LMO3: variants seen among roughly 807,000 people sequenced by gnomAD.
The protein encoded by LMO3 is LIM domain only 3.
A neutral mutation model predicts 15.8 loss-of-function variants in LMO3; 2 were observed. The ratio of observed to expected loss-of-function variants is 0.13; its 90% CI spans 0.05 to 0.40. The LOEUF is 0.40. LMO3 is among the 10% of genes least tolerant of loss of function. The pLI, the probability that LMO3 is intolerant of heterozygous loss-of-function variation, is 0.99. For missense variants in LMO3, 86 were observed against 182.2 expected, an observed-to-expected ratio of 0.47 and a Z score of 3.04; for synonymous variants, 62 against 63.8, an observed-to-expected ratio of 0.97 and a Z score of 0.13.
intron 2 of LMO3, among the ~76,000 whole-genome samples, chr12:16,594,959 T>C (rs1477872890): frequency 6.6e-6 from 1 of 151,482 alleles, no homozygotes; most frequent in African/African-American, 2.4e-5. Context: ...AAAATAGAAA[T>C]TATTTCCCAG....
At position 16,582,574 on chromosome 12, in the gene LMO3, C is replaced by T. The variant is rs1375680864; in HGVS notation, c.206+18081G>A. 2.0e-5 allele frequency among the ~76,000 whole-genome samples: 3 copies of T among 152,074 alleles called. No individual in the cohort carries two copies. The highest frequency in any genetic ancestry group is 1.3e-4 in the Admixed American group (2 of 15,262). On this transcript the variant is annotated intron_variant, in intron 2 of 3. Coordinates refer to ENST00000537304, the MANE Select transcript of LMO3 (RefSeq NM_018640.5). This position sits in a 1 kb window ranked among gnomAD's most constrained non-coding sequence, Gnocchi z 4.1. ...AGTGGCTAGATATACATTGCTTAAG[C>T]TTGTTGGAGAGTAATGGGCTACGGG...
chr12:16,592,208 G>A (rs1943516520), intron 2 of LMO3, among the ~76,000 whole-genome samples: 1 of 151,946 alleles, frequency 6.6e-6, no homozygotes, highest in African/African-American at 2.4e-5. Context: ...GTGACTAAAT[G>A]GTTTCATTGT....
chr12:16,549,285 G>T lies in LMO3; in HGVS notation c.*1937C>A, dbSNP rs1048702314. On this transcript the variant is annotated 3_prime_UTR_variant, in exon 4 of 4. Transcript: ENST00000537304. ...GCTAAAATAATAGTTATTTTTGTGG[G>T]CCCCAAATAGCTACTTTTGAATTTC... The T allele has an allele frequency of 1.3e-5, 2 of 152,032 alleles. No homozygotes were observed. The highest frequency in any genetic ancestry group is 2.9e-5 in the Non-Finnish European group (2 of 67,986). 9.4% of individuals were successfully genotyped at this position (152,032 alleles called of 1,614,324 possible). A position where few individuals can be genotyped will look rare whatever the true frequency, so the allele number is the denominator to read the frequency against.
rs1942381744 is a variant in LMO3 at position 16,560,935 on chromosome 12, A to G, written c.207-397T>C. The stretch of plus-strand genomic sequence containing the variant: ...TGGGAAAGGAACCAACTAATGAATG[A>G]TTCACTACTTTTTGACATTTAGTTA... On this transcript the variant is annotated intron_variant, in intron 2 of 3. Transcript: ENST00000537304. The surrounding 1 kb of genome is among the most constrained non-coding windows in gnomAD (Gnocchi z 5.0). The G allele has an allele frequency of 5.3e-6, 1 of 187,282 alleles. No individual in the cohort carries two copies. Among genetic ancestry groups the G allele is most frequent in the Non-Finnish European group, 1.1e-5 (1 of 87,634 alleles). The allele number at this position is 187,282 out of a possible 1,614,324, so 11.6% of individuals were successfully genotyped here.
chr12:16,589,290 T>C lies in LMO3; in HGVS notation c.206+11365A>G, dbSNP rs1021489903. Among the ~76,000 whole-genome samples, 2 of 152,074 alleles carry C rather than the reference T, an allele frequency of 1.3e-5. No individual in the cohort carries two copies. The highest frequency in any genetic ancestry group is 4.8e-5 in the African/African-American group (2 of 41,446). On this transcript the variant is annotated intron_variant, in intron 2 of 3. Coordinates refer to ENST00000537304, the MANE Select transcript of LMO3 (RefSeq NM_018640.5). The surrounding 1 kb of genome is among the most constrained non-coding windows in gnomAD (Gnocchi z 4.2). ...ATAAGTTATCTGCCACTGATGATCA[T>C]TGATGGAGAAGGGGCAATACCTAAT...
At chr12:16,569,951 T>C (rs2137428191) in intron 2 of LMO3, among the ~76,000 whole-genome samples, 1 of 152,270 alleles carries the variant, frequency 6.6e-6, no homozygotes. Context: ...GGTAAGTTTA[T>C]AATGAAGGAA....
intron 2 of LMO3, among the ~76,000 whole-genome samples, chr12:16,561,252 C>T (rs1330239232): frequency 3.9e-5 from 6 of 152,024 alleles, no homozygotes; most frequent in African/African-American, 1.4e-4. Context: ...AAAAGAAGTA[C>T]AAAATAAAAT....
intron 2 of LMO3, among the ~76,000 whole-genome samples, chr12:16,572,077 G>A (rs962884879): frequency 6.6e-6 from 1 of 151,894 alleles, no homozygotes; most frequent in Non-Finnish European, 1.5e-5. Context: ...CAAAAGGAAA[G>A]AGATTCAAAA....
chr12:16,591,963 A>G lies in LMO3; in HGVS notation c.206+8692T>C, dbSNP rs578000860. 8.5e-5 allele frequency among the ~76,000 whole-genome samples: 13 copies of G among 152,164 alleles called. No homozygotes were observed. In the East Asian group the frequency reaches 2.5e-3, roughly 29 times the overall value. The stretch of plus-strand genomic sequence containing the variant: ...ACTTAATTGGAGTGAAACTCTTTAT[A>G]TATTCTACTTAGTTATTTGACAATA... On this transcript the variant is annotated intron_variant, in intron 2 of 3. Coordinates refer to ENST00000537304, the MANE Select transcript of LMO3 (RefSeq NM_018640.5). The surrounding 1 kb of genome is among the most constrained non-coding windows in gnomAD (Gnocchi z 4.1).
chr12:16,576,707 T>C lies in LMO3; in HGVS notation c.207-16169A>G, dbSNP rs1211974562. Among the ~76,000 whole-genome samples the C allele has an allele frequency of 2.0e-5, 3 of 152,226 alleles. No homozygotes were observed. Among genetic ancestry groups the C allele is most frequent in the Non-Finnish European group, 4.4e-5 (3 of 68,040 alleles). ...TAACTGCTGAATTAGAATGTAGAGA[T>C]ATATAAATGGAAATTAACATTCTTG... is the stretch of plus-strand genomic sequence containing the variant. On this transcript the variant is annotated intron_variant, in intron 2 of 3. Coordinates refer to ENST00000537304, the MANE Select transcript of LMO3 (RefSeq NM_018640.5). This position sits in a 1 kb window ranked among gnomAD's most constrained non-coding sequence, Gnocchi z 4.1.
At chr12:16,575,353 C>T (rs1040090925) in intron 2 of LMO3, among the ~76,000 whole-genome samples, 2 of 152,192 alleles carry the variant, frequency 1.3e-5, no homozygotes, top group Non-Finnish European at 1.5e-5. Context: ...AAGACCAAGT[C>T]CTCTCTGATA....
chr12:16,602,054 TGAAA>T (rs1305304507), intron 1 of LMO3: 1 of 152,234 alleles, frequency 6.6e-6, no homozygotes, highest in Non-Finnish European at 1.5e-5. Flanking sequence ...TGCTCAAAGC[TGAAA>T]GACAGTTACG....
chr12:16,556,953 T>C (rs1049063789), intron 3 of LMO3, among the ~76,000 whole-genome samples: 3 of 152,192 alleles, frequency 2.0e-5, no homozygotes, highest in Non-Finnish European at 4.4e-5. Context: ...ACTTTAATAA[T>C]GATACTAGAA....
chr12:16,579,821 G>C (rs1364973457), intron 2 of LMO3, among the ~76,000 whole-genome samples: 1 of 152,212 alleles, frequency 6.6e-6, no homozygotes, highest in African/African-American at 2.4e-5. Flanking sequence ...TATAAATGTA[G>C]AAGTGATAGG....
upstream of LMO3, chr12:16,610,118 G>A (rs1176622013): frequency 1.3e-5 from 2 of 152,176 alleles, no homozygotes; most frequent in African/African-American, 4.8e-5. Context: ...CAGGCTTCCT[G>A]TCTTTCTTGT....
intron 1 of LMO3, chr12:16,605,436 G>GGCCCCCCCC (rs1943957949): frequency 3.2e-5 from 12 of 372,616 alleles, no homozygotes; most frequent in African/African-American, 6.5e-5. Flanking sequence ...CTACCCGCCT[G>GGCCCCCCCC]CCCCCCCCCC....
chr12:16,567,225 CA>C (rs1942649803), intron 2 of LMO3, among the ~76,000 whole-genome samples: 1 of 143,884 alleles, frequency 7.0e-6, no homozygotes, highest in African/African-American at 2.6e-5. Context: ...AACAAACAAA[CA>C]AAAAACTACA....
chr12:16,573,759 A>ACACAAGG (rs1053879677), intron 2 of LMO3: 7 of 152,244 alleles, frequency 4.6e-5, no homozygotes, highest in Non-Finnish European at 8.8e-5. Flanking sequence ...CAAGGCCGTT[A>ACACAAGG]CACAAGGCAG....
intron 3 of LMO3, among the ~76,000 whole-genome samples, chr12:16,554,876 T>G (rs1317026196): frequency 2.0e-5 from 3 of 152,084 alleles, no homozygotes; most frequent in Non-Finnish European, 4.4e-5. Flanking sequence ...GCCAGGATGG[T>G]CTCGATCTCC....
Sources: allele counts gnomAD v4.1 joint callset (sites outside exome capture counted in the v4.1 genomes callset), GRCh38; gene constraint gnomAD v4.1.1; non-coding constraint Gnocchi (gnomAD v3.1); transcripts MANE v1.5; gene names NCBI Gene and HGNC (gene_info 2026-07-23, HGNC 2026-07-21).